Variants in ADAM22 observed in about 807,000 individuals in gnomAD.
ADAM22 encodes the protein ADAM metallopeptidase domain 22.
A neutral mutation model predicts 144.6 loss-of-function variants in ADAM22; 65 were observed. The ratio of observed to expected loss-of-function variants is 0.45; its 90% CI spans 0.37 to 0.55. ADAM22 has a LOEUF of 0.55. Ranked by LOEUF, ADAM22 falls within the 20% of genes least tolerant of loss-of-function variation. The probability of loss-of-function intolerance (pLI) is 0.00; values close to 1 mark genes in which losing one functional copy is unlikely to be tolerated. For missense variants in ADAM22, 974 were observed against 1,184.9 expected, an observed-to-expected ratio of 0.82 and a Z score of 2.61; for synonymous variants, 391 against 412.6, an observed-to-expected ratio of 0.95 and a Z score of 0.63.
chr7:88,066,785 T>C (rs1281890384), intron 3 of ADAM22, among the ~76,000 whole-genome samples: 1 of 152,054 alleles, frequency 6.6e-6, no homozygotes, highest in African/African-American at 2.4e-5. Flanking sequence ...GACTGTGTGG[T>C]TCCTGGTAGG....
At chr7:88,101,453 T>A (rs1285102030) in intron 4 of ADAM22, among the ~76,000 whole-genome samples, 1 of 152,084 alleles carries the variant, frequency 6.6e-6, no homozygotes, top group African/African-American at 2.4e-5. Context: ...ACCAAACCAT[T>A]CCTATCTGCC....
chr7:87,973,387 G>C (rs1850994556), intron 2 of ADAM22, among the ~76,000 whole-genome samples: 1 of 131,016 alleles, frequency 7.6e-6, no homozygotes, highest in South Asian at 2.3e-4. Context: ...ACCACAATGA[G>C]ATACCATCTC....
chr7:88,090,748 A>G (rs1297687357), intron 4 of ADAM22, among the ~76,000 whole-genome samples: 1 of 152,184 alleles, frequency 6.6e-6, no homozygotes, highest in Admixed American at 6.6e-5. Flanking sequence ...TAATTTAATG[A>G]GAAATTATTG....
chr7:87,985,497 G>C (rs891261056), intron 3 of ADAM22, among the ~76,000 whole-genome samples: 1 of 151,986 alleles, frequency 6.6e-6, no homozygotes, highest in African/African-American at 2.4e-5. Context: ...CCTGGTCCCA[G>C]CCCAATGCAA....
intron 3 of ADAM22, among the ~76,000 whole-genome samples, chr7:88,008,871 A>C (rs1029810425): frequency 2.0e-5 from 3 of 150,456 alleles, no homozygotes; most frequent in Non-Finnish European, 4.4e-5. Context: ...CATTGTGCAC[A>C]TGTACCCTAA....
chr7:87,979,192 C>T (rs949243124), intron 3 of ADAM22, among the ~76,000 whole-genome samples: 1 of 152,100 alleles, frequency 6.6e-6, no homozygotes, highest in Non-Finnish European at 1.5e-5. Flanking sequence ...GCCAGAAATT[C>T]AGACAAATAG....
chr7:87,958,428 C>T (rs929519571), intron 2 of ADAM22, among the ~76,000 whole-genome samples: 2 of 151,566 alleles, frequency 1.3e-5, no homozygotes, highest in African/African-American at 2.4e-5. Flanking sequence ...TCTTGTTTCC[C>T]AGGCTGGAGT....
At chr7:88,041,158 C>T (rs1490895782) in intron 3 of ADAM22, among the ~76,000 whole-genome samples, 1 of 152,030 alleles carries the variant, frequency 6.6e-6, no homozygotes, top group Non-Finnish European at 1.5e-5. Flanking sequence ...ACCCCTTTGC[C>T]ATGTAACATT....
At chr7:88,195,045 T>C (rs777172650) in intron 31 of ADAM22, among the ~76,000 whole-genome samples, 3 of 152,214 alleles carry the variant, frequency 2.0e-5, no homozygotes, top group Non-Finnish European at 2.9e-5. Flanking sequence ...GGAACCTATA[T>C]AGAAACATCT....
intron 3 of ADAM22, among the ~76,000 whole-genome samples, chr7:88,056,528 C>T (rs550699499): frequency 3.3e-5 from 5 of 152,154 alleles, no homozygotes; most frequent in South Asian, 2.1e-4. Flanking sequence ...GCTGGGCTGT[C>T]GGCTGAATTT....
intron 23 of ADAM22, 122 bp from the exon 24 acceptor site, chr7:88,165,710 C>A: frequency 1.8e-6 from 1 of 561,610 alleles, no homozygotes; most frequent in East Asian, 3.3e-5. Context: ...TTAAGAAGAA[C>A]ATACTAATAA....
chr7:88,036,436 A>G (rs1376331426), intron 3 of ADAM22, among the ~76,000 whole-genome samples: 1 of 152,116 alleles, frequency 6.6e-6, no homozygotes, highest in Non-Finnish European at 1.5e-5. Flanking sequence ...GATGTAAAAT[A>G]TTTTTCACAA....
intron 3 of ADAM22, among the ~76,000 whole-genome samples, chr7:88,005,173 C>T (rs1257070658): frequency 1.3e-5 from 2 of 152,148 alleles, no homozygotes; most frequent in African/African-American, 4.8e-5. Flanking sequence ...GCCCTGTGTT[C>T]ACCCACTCAC....
At chr7:87,958,748 T>G (rs1227199431) in intron 2 of ADAM22, among the ~76,000 whole-genome samples, 2 of 152,162 alleles carry the variant, frequency 1.3e-5, no homozygotes, top group African/African-American at 2.4e-5. Flanking sequence ...CTTTCCATTT[T>G]CCTGATGACT....
At chr7:88,065,222 C>A (rs1388503841) in intron 3 of ADAM22, among the ~76,000 whole-genome samples, 1 of 151,920 alleles carries the variant, frequency 6.6e-6, no homozygotes, top group Non-Finnish European at 1.5e-5. Flanking sequence ...TACATTCTCT[C>A]TATATAATTT....
At chr7:88,039,464 A>AAAAAAAATATAT in intron 3 of ADAM22, among the ~76,000 whole-genome samples, 3 of 76,378 alleles carry the variant, frequency 3.9e-5, no homozygotes, top group African/African-American at 1.4e-4. Flanking sequence ...AAAAAAAAAA[A>AAAAAAAATATAT]ATATATATAT....
chr7:87,959,749 G>A (rs945303959), intron 2 of ADAM22, among the ~76,000 whole-genome samples: 1 of 152,152 alleles, frequency 6.6e-6, no homozygotes, highest in Non-Finnish European at 1.5e-5. Context: ...AAAAAGTTGA[G>A]TCTTCTGTGA....
At chr7:88,080,780 C>T (rs545931311) in intron 4 of ADAM22, among the ~76,000 whole-genome samples, 1 of 152,304 alleles carries the variant, frequency 6.6e-6, no homozygotes, top group African/African-American at 2.4e-5. Context: ...CACATACACT[C>T]TCCCAAGACT....
chr7:88,080,479 C>G (rs138114082), intron 4 of ADAM22, among the ~76,000 whole-genome samples: 6 of 151,888 alleles, frequency 4.0e-5, no homozygotes, highest in Non-Finnish European at 7.4e-5. Flanking sequence ...TAGCAGAAGG[C>G]AAGAAATAAC....
Sources: allele counts gnomAD v4.1 joint callset (sites outside exome capture counted in the v4.1 genomes callset), GRCh38; gene constraint gnomAD v4.1.1; transcripts MANE v1.5; gene names NCBI Gene and HGNC (gene_info 2026-07-23, HGNC 2026-07-21).